OC90: variants seen among roughly 807,000 people sequenced by gnomAD.
The protein encoded by OC90 is otoconin-90.
OC90 carries 46 observed loss-of-function variants against 47.3 expected under a neutral mutation model. That is an observed-to-expected ratio of 0.97 (90% CI 0.77 to 1.24). The LOEUF (loss-of-function observed/expected upper bound fraction) is 1.24, where lower values mean the gene tolerates loss of function less well. Ranked by LOEUF, OC90 falls within the 50% of genes most tolerant of loss-of-function variation. The pLI is 0.00. For missense variants in OC90, 688 were observed against 583.9 expected (o/e 1.18, Z -1.84); for synonymous variants, 271 against 219.5 (o/e 1.23, Z -2.07).
rs774130894 is a variant in OC90 at position 132,024,680 on chromosome 8, G to T, written c.1235C>A (p.Ser412Tyr). Residue 412 changes from serine to tyrosine, a missense_variant, in exon 14 of 14, where the codon TCC becomes TAC. By Grantham distance (144) the Ser-to-Tyr change is moderately radical. Coordinates refer to ENST00000254627, the MANE Select transcript of OC90 (RefSeq NM_001080399.3). ...CCCAGGGCACCCGAGTCTGCTTGGGGACTTGAGGCTTTGGTTAAAGGAGGC... is the reference window on the plus strand; with the variant it reads ...CCCAGGGCACCCGAGTCTGCTTGGGTACTTGAGGCTTTGGTTAAAGGAGGC... ...TSASFNQSLKSPSRLGCPGQP... is the reference protein window; with the variant it reads ...TSASFNQSLKYPSRLGCPGQP... 6.2e-7 allele frequency: 1 copy of T among 1,613,654 alleles called. No individual in the cohort carries two copies. The highest frequency in any genetic ancestry group is 8.5e-7 in the Non-Finnish European group (1 of 1,179,794).
intron 2 of OC90, among the ~76,000 whole-genome samples, chr8:132,048,262 G>A (rs1393186140): frequency 2.0e-5 from 3 of 152,128 alleles, no homozygotes; most frequent in Non-Finnish European, 2.9e-5. Flanking sequence ...ATATGTCAGT[G>A]GGAAAAATTG....
At position 132,059,049 on chromosome 8, in the gene OC90, TCTCC is replaced by T. The variant is rs1054617090; in HGVS notation, c.-48+288_-48+291del. 1.5e-3 allele frequency among the ~76,000 whole-genome samples: 221 copies of T among 150,412 alleles called. 2 individuals are homozygous for T. Among genetic ancestry groups the T allele is most frequent in the Admixed American group, 0.012 (188 of 15,102 alleles). ...CTCTCCCTTCCTCCCTCTTTCCCTC[TCTCC>T]CTCCCTCCCTTCTACCCTCTCTTTC... On this transcript the variant is annotated intron_variant, in intron 1 of 13. Coordinates refer to ENST00000254627, the MANE Select transcript of OC90 (RefSeq NM_001080399.3).
At chr8:132,037,880 A>C (rs187807072) in intron 8 of OC90, among the ~76,000 whole-genome samples, 1 of 152,306 alleles carries the variant, frequency 6.6e-6, no homozygotes, top group Non-Finnish European at 1.5e-5. Context: ...ACATGCACAT[A>C]AGCACACACC....
Position 132,025,170 on chromosome 8 carries a change from C to A in OC90, c.1139-394G>T, listed in dbSNP as rs556207324. 5.9e-5 allele frequency among the ~76,000 whole-genome samples: 9 copies of A among 152,122 alleles called. No homozygotes were observed. The East Asian group carries it at 1.7e-3, about 29-fold the overall frequency. On this transcript the variant is annotated intron_variant, in intron 13 of 13. Transcript: ENST00000254627. ...TCTGTTTATGTATCCATTTTTTACT[C>A]CTGGTGTTACAGTAGGTAGATAGGC...
intron 13 of OC90, among the ~76,000 whole-genome samples, chr8:132,025,578 C>T (rs1055440923): frequency 1.8e-4 from 28 of 152,100 alleles, no homozygotes; most frequent in East Asian, 7.7e-4. Flanking sequence ...CAGCCTGCCC[C>T]GGGGGAGGGA....
rs529810396 is a variant in OC90, at chr8:132,052,952, C to T, written c.46+2029G>A. Reference sequence around the variant, plus strand: ...GCTTTCCTTGATCTGGCCCCTGCTGCCTCTGCTGAATCATCTCCTACCTTG... The same window carrying T: ...GCTTTCCTTGATCTGGCCCCTGCTGTCTCTGCTGAATCATCTCCTACCTTG... On this transcript the variant is annotated intron_variant, in intron 2 of 13. Coordinates refer to ENST00000254627, the MANE Select transcript of OC90 (RefSeq NM_001080399.3). Among the ~76,000 whole-genome samples, 611 of 152,314 alleles carry T rather than the reference C, an allele frequency of 4.0e-3. 3 individuals carry two copies. Among genetic ancestry groups the T allele is most frequent in the Non-Finnish European group, 5.7e-3 (385 of 68,032 alleles).
At chr8:132,036,792 A>G (rs1318921360) in intron 9 of OC90, among the ~76,000 whole-genome samples, 2 of 152,340 alleles carry the variant, frequency 1.3e-5, no homozygotes, top group South Asian at 4.1e-4. Context: ...AATCTCGATC[A>G]CCTGTCTTAA....
chr8:132,056,624 C>T (rs926639292), intron 1 of OC90, among the ~76,000 whole-genome samples: 7 of 152,170 alleles, frequency 4.6e-5, no homozygotes, highest in Admixed American at 3.9e-4. Flanking sequence ...GTCTCCCTCA[C>T]TGTTTGGTGG....
At chr8:132,025,201 T>C (rs1189239075) in intron 13 of OC90, among the ~76,000 whole-genome samples, 1 of 152,208 alleles carries the variant, frequency 6.6e-6, no homozygotes, top group African/African-American at 2.4e-5. Flanking sequence ...TAGGCAGATA[T>C]GAGCAGGGCA....
chr8:132,030,966 C>T (rs1043482360), intron 12 of OC90, among the ~76,000 whole-genome samples: 2 of 152,194 alleles, frequency 1.3e-5, no homozygotes, highest in Admixed American at 6.5e-5. Context: ...TCATCAATAG[C>T]TGCTGATTTT....
intron 8 of OC90, among the ~76,000 whole-genome samples, chr8:132,038,200 G>C (rs1479340960): frequency 6.6e-6 from 1 of 152,200 alleles, no homozygotes; most frequent in Non-Finnish European, 1.5e-5. Context: ...CTATATTTTA[G>C]ATTAGGAATC....
At position 132,041,631 on chromosome 8, in the gene OC90, C is replaced by CA; in HGVS notation, c.237dup (p.Val80CysfsTer16). 1 of 1,605,484 alleles carries CA rather than the reference C, an allele frequency of 6.2e-7. No individual in the cohort carries two copies. The highest frequency in any genetic ancestry group is 1.1e-5 in the South Asian group (1 of 90,782). On this transcript the variant is annotated frameshift_variant, in exon 5 of 14. Transcript: ENST00000254627. LOFTEE classifies it high-confidence loss of function. ...CCAGCCACACACTTCATACCATTGA[C>CA]AAACTGGATCAGCACAGGGAAATTG...
At chr8:132,041,337 G>C (rs1823049701) in intron 5 of OC90, among the ~76,000 whole-genome samples, 181 bp from the exon 6 acceptor site, 1 of 152,218 alleles carries the variant, frequency 6.6e-6, no homozygotes, top group Admixed American at 6.5e-5. Context: ...ACTTTTTAGA[G>C]TGAGAGCTGA....
intron 13 of OC90, among the ~76,000 whole-genome samples, chr8:132,027,668 C>T (rs571509574): frequency 3.3e-5 from 5 of 152,294 alleles, no homozygotes; most frequent in East Asian, 3.9e-4. Context: ...TATCAGGGGC[C>T]TGCTCATGGG....
At chr8:132,030,364 A>C (rs1285365500) in intron 12 of OC90, among the ~76,000 whole-genome samples, 3 of 152,192 alleles carry the variant, frequency 2.0e-5, no homozygotes, top group Non-Finnish European at 4.4e-5. Flanking sequence ...GTTGGCCTCA[A>C]GTTTTTCAAT....
chr8:132,043,258 T>C (rs1398847704), intron 4 of OC90, among the ~76,000 whole-genome samples: 1 of 152,344 alleles, frequency 6.6e-6, no homozygotes, highest in East Asian at 1.9e-4. Context: ...GTGTAATGCA[T>C]TGGAAAGCAT....
rs1823051592 is a variant in OC90, at chr8:132,041,473, C to A, written c.344+52G>T. 3 of 1,521,736 alleles carry A rather than the reference C, an allele frequency of 2.0e-6. No homozygotes were observed. In the South Asian group the frequency reaches 3.7e-5, roughly 19 times the overall value. 94.3% of individuals were successfully genotyped at this position (1,521,736 alleles called of 1,614,324 possible). On this transcript the variant is annotated intron_variant, in intron 5 of 13. Transcript: ENST00000254627. ...TGCTCTTGCCAAGGTATCAGCCAGG[C>A]CTCCCATGAGCTCACTTTTTTTGGT...
chr8:132,024,674 C>T lies in OC90; in HGVS notation c.1241G>A (p.Ser414Asn), dbSNP rs982676889. ...ASFNQSLKSPSRLGCPGQPAA... is the reference protein window; with the variant it reads ...ASFNQSLKSPNRLGCPGQPAA... ...TGGCTGCCCAGGGCACCCGAGTCTG[C>T]TTGGGGACTTGAGGCTTTGGTTAAA... The change falls in exon 14 of 14, where the codon AGC becomes AAC. Residue 414 changes from serine (S) to asparagine (N), a missense_variant. Ser to Asn is a conservative substitution (Grantham distance 46). Transcript: ENST00000254627. The T allele has an allele frequency of 1.2e-5, 19 of 1,613,410 alleles. No individual in the cohort carries two copies. Among genetic ancestry groups the T allele is most frequent in the Non-Finnish European group, 1.4e-5 (17 of 1,179,774 alleles).
chr8:132,033,074 G>A lies in OC90; in HGVS notation c.824C>T (p.Ser275Phe). Reference protein sequence around the residue: ...GIKSLGLAVSSVENDPEETTE... With the variant: ...GIKSLGLAVSFVENDPEETTE... ...GGTCTCCTCAGGATCATTTTCAACA[G>A]ATGACACTGCCAGCCCCAGAGATTT... Residue 275 changes from serine (S) to phenylalanine (F), a missense_variant, in exon 11 of 14, where the codon TCT (serine) becomes TTT (phenylalanine). Physicochemically the swap from Ser to Phe is radical, Grantham distance 155. Coordinates refer to ENST00000254627, the MANE Select transcript of OC90 (RefSeq NM_001080399.3). The A allele has an allele frequency of 6.2e-7, 1 of 1,610,598 alleles. No homozygotes were observed. The highest frequency in any genetic ancestry group is 1.3e-5 in the African/African-American group (1 of 75,032).
Sources: gnomAD v4.1 joint callset for allele counts (sites outside exome capture counted in the v4.1 genomes callset) on GRCh38, gnomAD v4.1.1 for gene constraint, MANE v1.5 for transcripts, NCBI Gene and HGNC (gene_info 2026-07-23, HGNC 2026-07-21) for gene names.